Variants in ANXA8 observed in about 807,000 individuals in gnomAD.
The protein encoded by ANXA8 is VAC-beta.
Under a neutral mutation model 26.8 loss-of-function variants are expected in ANXA8, and 9 were observed. That is an observed-to-expected ratio of 0.34 (90% CI 0.20 to 0.59). ANXA8 has a LOEUF of 0.59. Ranked by LOEUF, ANXA8 falls within the 20% of genes least tolerant of loss-of-function variation. The probability of loss-of-function intolerance (pLI) is 0.84; values close to 1 mark genes in which losing one functional copy is unlikely to be tolerated. For synonymous variants in ANXA8, 39 were observed against 94.8 expected (o/e 0.41, Z 3.42); for missense variants, 83 against 238.5 (o/e 0.35, Z 4.29).
chr10:47,639,315 T>TTATTA, the ANXA8 span, among the ~76,000 whole-genome samples: 2 of 71,704 alleles, frequency 2.8e-5, no homozygotes, highest in Non-Finnish European at 6.0e-5. Context: ...ATTATTATTA[T>TTATTA]TTTTTTTTTT....
the ANXA8 span, among the ~76,000 whole-genome samples, chr10:47,589,866 G>T: frequency 7.0e-6 from 1 of 143,068 alleles, no homozygotes; most frequent in Non-Finnish European, 1.5e-5. Context: ...ACCTAGTCCT[G>T]AGGATTTCCT....
At chr10:47,898,888 C>T in the ANXA8 span, among the ~76,000 whole-genome samples, 1 of 142,772 alleles carries the variant, frequency 7.0e-6, no homozygotes, top group African/African-American at 2.6e-5. Context: ...CCCAGGAATG[C>T]AGTGGCATGA....
At chr10:47,672,355 G>T in the ANXA8 span, among the ~76,000 whole-genome samples, 1 of 151,882 alleles carries the variant, frequency 6.6e-6, no homozygotes, top group Non-Finnish European at 1.5e-5. Context: ...ATATGTTAAA[G>T]AATAATATGT....
chr10:47,779,067 T>C, the ANXA8 span, among the ~76,000 whole-genome samples: 1 of 150,840 alleles, frequency 6.6e-6, no homozygotes, highest in Non-Finnish European at 1.5e-5. Context: ...CTATCAAATA[T>C]GGAGTTTTTA....
chr10:47,756,567 C>T, the ANXA8 span, among the ~76,000 whole-genome samples: 103 of 148,380 alleles, frequency 6.9e-4, no homozygotes, highest in African/African-American at 2.4e-3. Context: ...GCCCCTTAAA[C>T]ACCTTGTACA....
upstream of ANXA8, among the ~76,000 whole-genome samples, chr10:47,488,206 G>A (rs1391427969): frequency 6.7e-3 from 889 of 133,292 alleles, 12 homozygotes; most frequent in Non-Finnish European, 9.8e-3. Flanking sequence ...AAGTCACCCA[G>A]TTTATGGTTT....
the ANXA8 span, among the ~76,000 whole-genome samples, chr10:47,645,676 A>G: frequency 8.6e-4 from 130 of 151,644 alleles, no homozygotes; most frequent in Admixed American, 2.7e-3. Flanking sequence ...GGTTGCCCAC[A>G]TGGCTGATAA....
the ANXA8 span, among the ~76,000 whole-genome samples, chr10:47,671,272 A>C: frequency 6.6e-6 from 1 of 151,678 alleles, no homozygotes; most frequent in African/African-American, 2.4e-5. Context: ...AAAATGAAAA[A>C]TTAACCGGGC....
the ANXA8 span, among the ~76,000 whole-genome samples, chr10:47,560,935 T>TC: frequency 6.6e-6 from 1 of 151,612 alleles, no homozygotes; most frequent in Non-Finnish European, 1.5e-5. Flanking sequence ...CCCAGCCTCC[T>TC]GAGCATCTGG....
the ANXA8 span, chr10:47,549,445 A>C: frequency 9.2e-7 from 1 of 1,087,386 alleles, no homozygotes; most frequent in Non-Finnish European, 1.4e-6. Context: ...CTAACCATCA[A>C]CTCTTAATTT....
the ANXA8 span, among the ~76,000 whole-genome samples, chr10:47,776,869 T>G: frequency 2.0e-5 from 3 of 151,030 alleles, no homozygotes; most frequent in East Asian, 5.9e-4. Context: ...GGAGCCCAGG[T>G]TTTTTTTTCC....
chr10:47,681,141 A>T, the ANXA8 span, among the ~76,000 whole-genome samples: 53 of 151,942 alleles, frequency 3.5e-4, no homozygotes, highest in African/African-American at 1.3e-3. Flanking sequence ...TGAGCCAGGC[A>T]GTAGCAGGTG....
At chr10:47,519,083 G>A in the ANXA8 span, among the ~76,000 whole-genome samples, 35 of 136,956 alleles carry the variant, frequency 2.6e-4, 4 homozygotes, top group Middle Eastern at 0.015. Context: ...GGCCTAGTGG[G>A]AGGCATTTGG....
At chr10:47,952,250 C>T in the ANXA8 span, among the ~76,000 whole-genome samples, 1 of 151,730 alleles carries the variant, frequency 6.6e-6, no homozygotes, top group Non-Finnish European at 1.5e-5. Context: ...GATCATTCAA[C>T]ATTGTACCAA....
chr10:47,703,915 T>G, the ANXA8 span, among the ~76,000 whole-genome samples: 30 of 145,402 alleles, frequency 2.1e-4, 1 homozygote, highest in Non-Finnish European at 2.8e-4. Context: ...CATAACTTCA[T>G]TCCAATCATA....
chr10:47,761,222 G>T, the ANXA8 span, among the ~76,000 whole-genome samples: 307 of 148,796 alleles, frequency 2.1e-3, 1 homozygote, highest in Non-Finnish European at 3.3e-3. Flanking sequence ...GTGTTCTCTG[G>T]ACCTGTTGCT....
the ANXA8 span, among the ~76,000 whole-genome samples, chr10:47,967,999 T>C: frequency 1.3e-5 from 2 of 151,138 alleles, no homozygotes; most frequent in Non-Finnish European, 3.0e-5. Flanking sequence ...TTAAAACCCT[T>C]AGCTGGAATG....
chr10:47,546,189 A>G, the ANXA8 span, among the ~76,000 whole-genome samples: 1 of 140,032 alleles, frequency 7.1e-6, no homozygotes, highest in African/African-American at 2.6e-5. Context: ...CAGAAAACCA[A>G]CCTCTTCTTT....
the ANXA8 span, among the ~76,000 whole-genome samples, chr10:47,681,522 ACT>A: frequency 1.4e-4 from 12 of 82,878 alleles, no homozygotes; most frequent in South Asian, 3.7e-4. Flanking sequence ...TTTTATTTTT[ACT>A]TTTTTTTTTT....
Sources: gnomAD v4.1 joint callset for allele counts (sites outside exome capture counted in the v4.1 genomes callset) on GRCh38, gnomAD v4.1.1 for gene constraint, MANE v1.5 for transcripts, NCBI Gene and HGNC (gene_info 2026-07-23, HGNC 2026-07-21) for gene names.